Variants in COL21A1 observed in about 807,000 individuals in gnomAD.
COL21A1 encodes collagen alpha-1(XXI) chain.
A neutral mutation model predicts 137.9 loss-of-function variants in COL21A1; 149 were observed. The observed-to-expected ratio is 1.08, with a 90% CI of 0.95 to 1.24. COL21A1 has a LOEUF of 1.24. Ranked by LOEUF, COL21A1 falls within the 50% of genes most tolerant of loss-of-function variation. The pLI is 0.00. For synonymous variants in COL21A1, 456 were observed against 391.5 expected, an observed-to-expected ratio of 1.16 and a Z score of -1.95; for missense variants, 1,167 against 1,158.4, an observed-to-expected ratio of 1.01 and a Z score of -0.11.
At chr6:56,300,427 T>C (rs1358345220) in intron 1 of COL21A1, among the ~76,000 whole-genome samples, 1 of 152,156 alleles carries the variant, frequency 6.6e-6, no homozygotes, top group African/African-American at 2.4e-5. Flanking sequence ...AATGCTTACT[T>C]TATTTTAAAA....
rs115584344 is a variant in COL21A1 at position 56,283,990 on chromosome 6, C to G, written c.-38-101334G>C. ...CCAATTACTTGGGGTGAGGTGATTT[C>G]CTCAATTAATAGATACTAAAACTGT... On this transcript the variant is annotated intron_variant, in intron 1 of 28. Coordinates refer to the COL21A1 transcript ENST00000370819. Among the ~76,000 whole-genome samples, 643 of 152,050 alleles carry G rather than the reference C, an allele frequency of 4.2e-3. 5 individuals are homozygous for G. Among genetic ancestry groups the G allele is most frequent in the African/African-American group, 0.015 (614 of 41,452 alleles).
intron 1 of COL21A1, among the ~76,000 whole-genome samples, chr6:56,258,960 T>C (rs4119564): frequency 0.22 from 33,027 of 152,198 alleles, 4,160 homozygotes; most frequent in Non-Finnish European, 0.29. Flanking sequence ...CAATTCATTA[T>C]TAACATATTA....
chr6:56,250,255 A>G (rs1393224500), upstream of COL21A1, among the ~76,000 whole-genome samples: 1 of 152,244 alleles, frequency 6.6e-6, no homozygotes, highest in Non-Finnish European at 1.5e-5. Context: ...GGCATTTTGC[A>G]GATATAACCA....
intron 21 of COL21A1, among the ~76,000 whole-genome samples, chr6:56,069,413 G>T (rs1766540969): frequency 6.6e-6 from 1 of 150,998 alleles, no homozygotes; most frequent in Non-Finnish European, 1.5e-5. Flanking sequence ...AAATAATAAA[G>T]TTGTAAAAAT....
intron 1 of COL21A1, among the ~76,000 whole-genome samples, chr6:56,206,697 AATATAT>A (rs1204449084): frequency 1.1e-3 from 35 of 32,314 alleles, no homozygotes; most frequent in African/African-American, 3.6e-3. Context: ...TAAATAAATA[AATATAT>A]ATATATATAT....
intron 1 of COL21A1, among the ~76,000 whole-genome samples, chr6:56,385,159 T>C (rs1232166518): frequency 6.6e-6 from 1 of 152,252 alleles, no homozygotes; most frequent in African/African-American, 2.4e-5. Flanking sequence ...AGTGTGGCTT[T>C]CATGGTGTAT....
At chr6:56,390,278 G>C (rs913964755) in intron 1 of COL21A1, among the ~76,000 whole-genome samples, 6 of 151,872 alleles carry the variant, frequency 4.0e-5, no homozygotes, top group African/African-American at 1.2e-4. Flanking sequence ...TTAAAATATT[G>C]GTTATAAGAT....
rs58176470 is a variant in COL21A1 at position 56,172,069 on chromosome 6, G to GAAAA, written c.641-945_641-942dup. ...CAATATATGCATTTTGCGAGTTCCA[G>GAAAA]AAAAAAAAAAAAGAAGAGGGTGAAA... is the stretch of plus-strand genomic sequence containing the variant. On this transcript the variant is annotated intron_variant, in intron 3 of 29. Coordinates refer to ENST00000244728, the MANE Select transcript of COL21A1 (RefSeq NM_030820.4). Among the ~76,000 whole-genome samples the GAAAA allele has an allele frequency of 7.9e-3, 1,125 of 142,318 alleles. 11 individuals carry two copies. The highest frequency in any genetic ancestry group is 0.027 in the African/African-American group (1,065 of 39,190). The allele number at this position is 142,318 out of a possible 152,430, so 93.4% of individuals were successfully genotyped here.
chr6:56,178,446 T>C (rs970036142), intron 3 of COL21A1, among the ~76,000 whole-genome samples: 1 of 152,132 alleles, frequency 6.6e-6, no homozygotes, highest in Non-Finnish European at 1.5e-5. Context: ...TAAAAAGTTT[T>C]TCTCTACCAT....
At chr6:56,184,972 T>C (rs143479183) in intron 1 of COL21A1, among the ~76,000 whole-genome samples, 5 of 152,154 alleles carry the variant, frequency 3.3e-5, no homozygotes, top group East Asian at 1.9e-4. Flanking sequence ...TTAAGCAACA[T>C]ACTTCTAAAT....
intron 20 of COL21A1, among the ~76,000 whole-genome samples, chr6:56,073,029 AAAACC>A (rs1766891808): frequency 6.6e-6 from 1 of 151,404 alleles, no homozygotes; most frequent in Non-Finnish European, 1.5e-5. Context: ...ACATTGTTCT[AAAACC>A]TTTTACGGAA....
intron 1 of COL21A1, among the ~76,000 whole-genome samples, chr6:56,274,912 C>A (rs369179551): frequency 6.6e-6 from 1 of 151,928 alleles, no homozygotes; most frequent in Non-Finnish European, 1.5e-5. Context: ...CCAAAGCAAT[C>A]CTAAGCAAAG....
At chr6:56,186,770 T>C (rs1467904178) in intron 1 of COL21A1, among the ~76,000 whole-genome samples, 1 of 152,120 alleles carries the variant, frequency 6.6e-6, no homozygotes, top group Non-Finnish European at 1.5e-5. Flanking sequence ...TACTGAAACA[T>C]TGCAAAATTA....
chr6:56,230,084 G>C (rs555147907), intron 1 of COL21A1, among the ~76,000 whole-genome samples: 1 of 151,772 alleles, frequency 6.6e-6, no homozygotes, highest in Non-Finnish European at 1.5e-5. Flanking sequence ...TACATATTTC[G>C]AATAAATACA....
intron 1 of COL21A1, among the ~76,000 whole-genome samples, chr6:56,308,127 G>A (rs541540423): frequency 3.9e-5 from 6 of 152,266 alleles, no homozygotes; most frequent in East Asian, 3.9e-4. Flanking sequence ...GCCTTTTGGC[G>A]AGTGATTAAG....
chr6:56,393,316 C>A (rs907114183), intron 1 of COL21A1, among the ~76,000 whole-genome samples: 1 of 152,260 alleles, frequency 6.6e-6, no homozygotes, highest in East Asian at 1.9e-4. Context: ...TGAAACTTGA[C>A]CCCATCTCTT....
At chr6:56,340,927 T>C (rs952161045) in intron 1 of COL21A1, among the ~76,000 whole-genome samples, 3 of 152,198 alleles carry the variant, frequency 2.0e-5, no homozygotes, top group African/African-American at 4.8e-5. Context: ...CCTTTGTTGA[T>C]TGAACACACA....
rs1323530981 is a variant in COL21A1 at position 56,179,674 on chromosome 6, T to C, written c.544A>G (p.Ile182Val). ...TAAGTAGACGAAGGCTTGTTGGCAATAGCTCTAAGTTCGGCATCTTCTGTT... is the reference window on the plus strand; with the variant it reads ...TAAGTAGACGAAGGCTTGTTGGCAACAGCTCTAAGTTCGGCATCTTCTGTT... ...SETEDAELRA[I>V]ANKPSSTYVF... is the part of the protein sequence containing the mutation. The change falls in exon 3 of 30, where the codon ATT (isoleucine) becomes GTT (valine). Residue 182 changes from isoleucine (I) to valine (V), a missense_variant. Ile to Val is a conservative substitution (Grantham distance 29). Coordinates refer to ENST00000244728, the MANE Select transcript of COL21A1 (RefSeq NM_030820.4). 6.2e-7 allele frequency: 1 copy of C among 1,613,966 alleles called. No homozygotes were observed. Among genetic ancestry groups the C allele is most frequent in the Non-Finnish European group, 8.5e-7 (1 of 1,179,844 alleles).
intron 1 of COL21A1, among the ~76,000 whole-genome samples, chr6:56,372,534 T>A (rs1188825655): frequency 3.9e-5 from 6 of 152,152 alleles, no homozygotes; most frequent in Non-Finnish European, 8.8e-5. Flanking sequence ...ACACTAATAA[T>A]GAACACAGCA....
Sources: allele counts gnomAD v4.1 joint callset (sites outside exome capture counted in the v4.1 genomes callset), GRCh38; gene constraint gnomAD v4.1.1; transcripts MANE v1.5; gene names NCBI Gene and HGNC (gene_info 2026-07-23, HGNC 2026-07-21).